The following AGMO variants were observed in gnomAD, a reference collection of about 807,000 sequenced individuals.
AGMO encodes the protein glyceryl-ether monooxygenase.
In AGMO, 75 loss-of-function variants were observed where a neutral mutation model predicts 60.2. That is an observed-to-expected ratio of 1.25 (90% CI 1.03 to 1.51). The LOEUF is 1.51. Ranked by LOEUF, AGMO falls within the 40% of genes most tolerant of loss-of-function variation. The pLI is 0.00. For missense variants in AGMO, 763 were observed against 525.5 expected (o/e 1.45, Z -4.42); for synonymous variants, 261 against 177.1 (o/e 1.47, Z -3.76).
At chr7:15,221,592 G>A (rs1400783500) in intron 12 of AGMO, among the ~76,000 whole-genome samples, 1 of 152,122 alleles carries the variant, frequency 6.6e-6, no homozygotes, top group Non-Finnish European at 1.5e-5. Flanking sequence ...TCCTTGGTGA[G>A]AAGCAGGATA....
At chr7:15,560,664 C>T (rs1785280049) in intron 1 of AGMO, among the ~76,000 whole-genome samples, 1 of 152,134 alleles carries the variant, frequency 6.6e-6, no homozygotes, top group South Asian at 2.1e-4. Context: ...CTTAAAGATG[C>T]ACATAATTCT....
intron 12 of AGMO, among the ~76,000 whole-genome samples, chr7:15,250,151 T>A (rs764892337): frequency 6.6e-6 from 1 of 152,294 alleles, no homozygotes; most frequent in Admixed American, 6.5e-5. Context: ...AAATTTCATA[T>A]TGTTGGCTGA....
chr7:15,303,436 G>GAAA (rs141119048), intron 12 of AGMO, among the ~76,000 whole-genome samples: 11 of 147,866 alleles, frequency 7.4e-5, no homozygotes, highest in Non-Finnish European at 3.0e-5. Context: ...TGGAAAAACA[G>GAAA]AAAAAAAAAA....
At chr7:15,309,603 C>G (rs944672922) in intron 12 of AGMO, among the ~76,000 whole-genome samples, 6 of 151,786 alleles carry the variant, frequency 4.0e-5, no homozygotes, top group African/African-American at 1.4e-4. Flanking sequence ...AAGACAGGTC[C>G]CTAATTATTA....
intron 12 of AGMO, among the ~76,000 whole-genome samples, chr7:15,205,098 T>C (rs75371567): frequency 0.025 from 3,819 of 152,298 alleles, 150 homozygotes; most frequent in African/African-American, 0.082. Context: ...TGCTCTCAAA[T>C]TGCAAACCCT....
chr7:15,217,489 A>G (rs973153082), intron 12 of AGMO, among the ~76,000 whole-genome samples: 3 of 152,150 alleles, frequency 2.0e-5, no homozygotes, highest in Non-Finnish European at 4.4e-5. Context: ...AAGAAGCAGG[A>G]AAGATATTAT....
chr7:15,258,813 A>G (rs191225085), intron 12 of AGMO, among the ~76,000 whole-genome samples: 6 of 152,250 alleles, frequency 3.9e-5, no homozygotes, highest in East Asian at 2.0e-4. Context: ...GGCTAGACTC[A>G]GAAGAGCAAA....
At chr7:15,232,384 TTCCTTCTC>T (rs1409792998) in intron 12 of AGMO, among the ~76,000 whole-genome samples, 3 of 152,196 alleles carry the variant, frequency 2.0e-5, no homozygotes, top group East Asian at 1.9e-4. Context: ...TTCCCCCTTC[TTCCTTCTC>T]TCCTTCTCCC....
chr7:15,286,046 C>T (rs1554406530), intron 12 of AGMO, among the ~76,000 whole-genome samples: 1 of 152,004 alleles, frequency 6.6e-6, no homozygotes, highest in Non-Finnish European at 1.5e-5. Flanking sequence ...AACTGGATCC[C>T]TATCTCTCAC....
rs544501345 is a variant in AGMO, at chr7:15,311,115, G to A, written c.1263+54399C>T. 1.8e-4 allele frequency among the ~76,000 whole-genome samples: 28 copies of A among 152,106 alleles called. No homozygotes were observed. In the South Asian group the frequency reaches 2.5e-3, roughly 14 times the overall value. On this transcript the variant is annotated intron_variant, in intron 12 of 12. Coordinates refer to ENST00000342526, the MANE Select transcript of AGMO (RefSeq NM_001004320.2). The stretch of plus-strand genomic sequence containing the variant: ...AAAACATGGACATATTTGGGGGACC[G>A]TTATTCTGCTTCCAACACAAGGTGA...
chr7:15,118,173 A>ACACACACACACACACAAACACACAC, the AGMO span, among the ~76,000 whole-genome samples: 1 of 144,590 alleles, frequency 6.9e-6, no homozygotes, highest in Non-Finnish European at 1.5e-5. Context: ...ACTAAAGAGA[A>ACACACACACACACACAAACACACAC]ACACACACAC....
intron 3 of AGMO, among the ~76,000 whole-genome samples, chr7:15,530,825 A>G (rs1018894896): frequency 1.4e-5 from 1 of 69,672 alleles, no homozygotes; most frequent in Non-Finnish European, 2.7e-5. Flanking sequence ...ATACATTTCT[A>G]TATATATTCT....
At chr7:15,235,548 A>G (rs925956312) in intron 12 of AGMO, among the ~76,000 whole-genome samples, 1 of 152,106 alleles carries the variant, frequency 6.6e-6, no homozygotes, top group Non-Finnish European at 1.5e-5. Context: ...ACAAAGACGG[A>G]AAGTACTGGT....
intron 12 of AGMO, among the ~76,000 whole-genome samples, chr7:15,263,734 G>GA (rs1783349402): frequency 6.6e-6 from 1 of 152,028 alleles, no homozygotes; most frequent in East Asian, 1.9e-4. Flanking sequence ...ACTCAGCCAC[G>GA]AAAAAGGAAT....
chr7:15,529,466 C>A (rs1040837111), intron 3 of AGMO, among the ~76,000 whole-genome samples: 1 of 143,104 alleles, frequency 7.0e-6, no homozygotes, highest in Non-Finnish European at 1.5e-5. Context: ...CAATTAAGCT[C>A]AGGTTCTACC....
At chr7:15,421,176 A>C (rs1303864709) in intron 4 of AGMO, among the ~76,000 whole-genome samples, 2 of 152,096 alleles carry the variant, frequency 1.3e-5, no homozygotes, top group Non-Finnish European at 2.9e-5. Context: ...AGGTTGGACC[A>C]TGGGATTTCT....
intron 3 of AGMO, among the ~76,000 whole-genome samples, chr7:15,536,284 G>A (rs879601195): frequency 2.0e-5 from 3 of 151,778 alleles, no homozygotes; most frequent in Non-Finnish European, 4.4e-5. Flanking sequence ...TGAACTCAGG[G>A]AACTTGGCTC....
intron 10 of AGMO, among the ~76,000 whole-genome samples, chr7:15,375,691 C>T (rs981737936): frequency 3.9e-5 from 6 of 152,116 alleles, no homozygotes; most frequent in Admixed American, 2.6e-4. Context: ...CCACTGTGCC[C>T]AGCCTCTTCA....
intron 4 of AGMO, among the ~76,000 whole-genome samples, chr7:15,422,201 CT>C (rs1355788160): frequency 6.6e-6 from 1 of 151,602 alleles, no homozygotes; most frequent in African/African-American, 2.4e-5. Context: ...CTATGTTTCT[CT>C]GATAACAAAA....
Sources: allele counts gnomAD v4.1 joint callset (sites outside exome capture counted in the v4.1 genomes callset), GRCh38; gene constraint gnomAD v4.1.1; transcripts MANE v1.5; gene names NCBI Gene and HGNC (gene_info 2026-07-23, HGNC 2026-07-21).